Variants in IL15 observed in about 807,000 individuals in gnomAD.
IL15 encodes interleukin-15.
A neutral mutation model predicts 19.6 loss-of-function variants in IL15; 11 were observed. That is an observed-to-expected ratio of 0.56 (90% CI 0.35 to 0.93). The LOEUF is 0.93. IL15 is among the 40% of genes least tolerant of loss of function. The probability of loss-of-function intolerance (pLI) is 0.01; values close to 1 mark genes in which losing one functional copy is unlikely to be tolerated. For missense variants in IL15, 197 were observed against 186.5 expected, an observed-to-expected ratio of 1.06 and a Z score of -0.33; for synonymous variants, 58 against 59.6, an observed-to-expected ratio of 0.97 and a Z score of 0.12.
At chr4:141,679,330 C>T (rs968594216) in intron 2 of IL15, among the ~76,000 whole-genome samples, 1 of 152,120 alleles carries the variant, frequency 6.6e-6, no homozygotes, top group African/African-American at 2.4e-5. Context: ...TTAGTTTGAC[C>T]ACTAAGAAAT....
At chr4:141,679,360 A>G (rs555691937) in intron 2 of IL15, among the ~76,000 whole-genome samples, 1 of 152,326 alleles carries the variant, frequency 6.6e-6, no homozygotes, top group East Asian at 1.9e-4. Context: ...GGATCTCATA[A>G]AGACATGGAA....
At chr4:141,695,131 G>T (rs1729048558) in intron 2 of IL15, among the ~76,000 whole-genome samples, 1 of 151,888 alleles carries the variant, frequency 6.6e-6, no homozygotes, top group African/African-American at 2.4e-5. Flanking sequence ...TGCTTTAAAT[G>T]GGTTTCCCAA....
At chr4:141,675,634 G>A (rs1000255053) in intron 2 of IL15, among the ~76,000 whole-genome samples, 1 of 152,180 alleles carries the variant, frequency 6.6e-6, no homozygotes, top group Admixed American at 6.5e-5. Flanking sequence ...GATGCTGGAA[G>A]TGCTTCCAAG....
chr4:141,702,297 C>A (rs1165649342), intron 2 of IL15, among the ~76,000 whole-genome samples: 2 of 152,208 alleles, frequency 1.3e-5, no homozygotes, highest in African/African-American at 4.8e-5. Flanking sequence ...TTCTTGAGAG[C>A]TGTACTGCAG....
chr4:141,720,657 G>C, intron 4 of IL15, 91 bp downstream of exon 4: 1 of 798,140 alleles, frequency 1.3e-6, no homozygotes, highest in South Asian at 1.4e-5. Flanking sequence ...TTTACGTTCA[G>C]TTTGCTTATA....
intron 2 of IL15, chr4:141,716,323 T>C (rs1443008018): frequency 3.3e-5 from 5 of 152,270 alleles, no homozygotes; most frequent in African/African-American, 7.2e-5. Context: ...TTGCTCTCCA[T>C]GGGCATACTG....
intron 2 of IL15, among the ~76,000 whole-genome samples, chr4:141,691,107 G>GTATGACT (rs70949130): frequency 2.0e-5 from 3 of 152,076 alleles, no homozygotes; most frequent in Admixed American, 6.5e-5. Context: ...TTGCAGTTCT[G>GTATGACT]GGGAAGCAGG....
chr4:141,658,024 G>A (rs1727665190), intron 2 of IL15, among the ~76,000 whole-genome samples: 1 of 152,158 alleles, frequency 6.6e-6, no homozygotes, highest in Non-Finnish European at 1.5e-5. Flanking sequence ...ACTGTGTTAC[G>A]ACATTATGAC....
chr4:141,693,761 A>G (rs911873297), intron 2 of IL15, among the ~76,000 whole-genome samples: 1 of 152,212 alleles, frequency 6.6e-6, no homozygotes, highest in Non-Finnish European at 1.5e-5. Flanking sequence ...AACAAAAAAA[A>G]TTAGTGAGCC....
chr4:141,657,085 G>T (rs561237650), intron 2 of IL15, among the ~76,000 whole-genome samples: 19 of 152,240 alleles, frequency 1.2e-4, no homozygotes, highest in African/African-American at 4.1e-4. Context: ...AGTCTATATG[G>T]TATAGCCAGT....
rs1410796848 is a variant in IL15, at chr4:141,683,140, G to C, written c.-100+26833G>C. ...AAAAATTAGCCCGGCGTGGTGGCAG[G>C]TGCCTGTAGTCCCAGCTACTCGGGA... On this transcript the variant is annotated intron_variant, in intron 2 of 7. Transcript: ENST00000320650. Among the ~76,000 whole-genome samples, 4 of 151,854 alleles carry C rather than the reference G, an allele frequency of 2.6e-5. No homozygotes were observed. In the East Asian group the frequency reaches 7.7e-4, roughly 29 times the overall value.
intron 1 of IL15, among the ~76,000 whole-genome samples, chr4:141,648,232 G>A (rs1727293632): frequency 6.6e-6 from 1 of 151,958 alleles, no homozygotes; most frequent in Admixed American, 6.6e-5. Flanking sequence ...GATGTACTTT[G>A]GGCCAGGTTA....
At chr4:141,732,626 C>A (rs906441237) in intron 7 of IL15, 112 bp from the exon 8 acceptor site, 3 of 1,380,706 alleles carry the variant, frequency 2.2e-6, no homozygotes, top group Non-Finnish European at 2.9e-6. Flanking sequence ...CTAAAGCTTT[C>A]ATATCTCAAG....
intron 2 of IL15, among the ~76,000 whole-genome samples, chr4:141,681,223 G>A (rs139177877): frequency 2.0e-5 from 3 of 151,338 alleles, no homozygotes; most frequent in South Asian, 2.1e-4. Flanking sequence ...TATAAGATGC[G>A]CTGTGAAACA....
At chr4:141,710,034 C>T (rs1348854301) in intron 2 of IL15, among the ~76,000 whole-genome samples, 1 of 152,134 alleles carries the variant, frequency 6.6e-6, no homozygotes, top group Non-Finnish European at 1.5e-5. Flanking sequence ...ATTATTTTGC[C>T]TATGATAATG....
intron 2 of IL15, among the ~76,000 whole-genome samples, chr4:141,692,052 G>T (rs1728929650): frequency 6.6e-6 from 1 of 152,226 alleles, no homozygotes; most frequent in Admixed American, 6.5e-5. Flanking sequence ...TGCTCCCAAA[G>T]CTCAATTCTT....
intron 2 of IL15, among the ~76,000 whole-genome samples, chr4:141,686,022 C>T (rs962243217): frequency 2.8e-4 from 42 of 152,022 alleles, no homozygotes; most frequent in African/African-American, 7.5e-4. Flanking sequence ...GTAGGCTGGG[C>T]GCAGTGGCTC....
chr4:141,676,318 C>T (rs1477894748), intron 2 of IL15, among the ~76,000 whole-genome samples: 1 of 152,136 alleles, frequency 6.6e-6, no homozygotes, highest in Non-Finnish European at 1.5e-5. Context: ...ACAACCTGGA[C>T]AATGAGAAGC....
intron 2 of IL15, chr4:141,718,205 A>G (rs1324773936): frequency 6.6e-6 from 1 of 152,220 alleles, no homozygotes; most frequent in Non-Finnish European, 1.5e-5. Flanking sequence ...CATTGTTTAC[A>G]AAAGTAGCTT....
Sources: allele counts gnomAD v4.1 joint callset (sites outside exome capture counted in the v4.1 genomes callset), GRCh38; gene constraint gnomAD v4.1.1; transcripts MANE v1.5; gene names NCBI Gene and HGNC (gene_info 2026-07-23, HGNC 2026-07-21).